UPF3A: variants seen among roughly 807,000 people sequenced by gnomAD.
UPF3A encodes UPF3A regulator of nonsense mediated mRNA decay, also known as regulator of nonsense transcripts 3A.
UPF3A carries 42 observed loss-of-function variants against 53.5 expected under a neutral mutation model. The ratio of observed to expected loss-of-function variants is 0.78; its 90% CI spans 0.61 to 1.01. The LOEUF (loss-of-function observed/expected upper bound fraction) is 1.01, where lower values mean the gene tolerates loss of function less well. Ranked by LOEUF, UPF3A falls within the 50% of genes least tolerant of loss-of-function variation. The probability of loss-of-function intolerance (pLI) is 0.00; values close to 1 mark genes in which losing one functional copy is unlikely to be tolerated. For missense variants in UPF3A, 575 were observed against 598.0 expected, an observed-to-expected ratio of 0.96 and a Z score of 0.40; for synonymous variants, 237 against 225.3, an observed-to-expected ratio of 1.05 and a Z score of -0.47.
intron 3 of UPF3A, chr13:114,283,643 A>G (rs1342206587): frequency 2.1e-6 from 1 of 487,724 alleles, no homozygotes; most frequent in African/African-American, 2.1e-5. Flanking sequence ...TGACTGTACC[A>G]TTTATGATAA....
In UPF3A at chr13:114,281,699, G is replaced by T. The variant is rs752248750; in HGVS notation, c.60G>T (p.Pro20=). The T allele has an allele frequency of 6.5e-6, 10 of 1,544,864 alleles. No individual in the cohort carries two copies. The South Asian group carries it at 1.2e-4, about 18-fold the overall frequency. Residue 20 remains proline (P), a synonymous_variant, in exon 1 of 10, where the codon CCG becomes CCT. Transcript: ENST00000375299. The part of the protein sequence containing the change: ...GLRAAVAARG[P]SGREKLSALE... ...GGGCGGCCGTTGCCGCGCGGGGCCC[G>T]AGCGGGAGGGAGAAGCTGTCGGCCC... is the stretch of plus-strand genomic sequence containing the variant.
At position 114,286,597 on chromosome 13, in the gene UPF3A, G is replaced by A. The variant is rs754474639; in HGVS notation, c.599G>A (p.Gly200Glu). 5.0e-6 allele frequency: 8 copies of A among 1,613,616 alleles called. No individual in the cohort carries two copies. Among genetic ancestry groups the A allele is most frequent in the Non-Finnish European group, 6.8e-6 (8 of 1,179,824 alleles). Residue 200 changes from glycine (G) to glutamate (E), a missense_variant, in exon 5 of 10, where the codon GGG (glycine) becomes GAG (glutamate). Transcript: ENST00000375299. ...AGTGCCAACCCTGAGACTCTGCTGG[G>A]GGAGATGGAGGCGAAGACAAGAGAG... is the stretch of plus-strand genomic sequence containing the variant. ...KTSANPETLL[G>E]EMEAKTRELI...
intron 2 of UPF3A, 53 bp downstream of exon 2, chr13:114,282,180 C>A: frequency 7.0e-7 from 1 of 1,435,986 alleles, no homozygotes; most frequent in Non-Finnish European, 9.4e-7. Context: ...AGCTCGGCGG[C>A]GGTGGCCGTC....
At chr13:114,283,885 G>A (rs770035596) in intron 3 of UPF3A, 28 of 985,334 alleles carry the variant, frequency 2.8e-5, no homozygotes, top group Non-Finnish European at 3.3e-5. Context: ...CCGACTCCAC[G>A]TGTTTTGACA....
At position 114,281,776 on chromosome 13, in the gene UPF3A, C is replaced by T. The variant is rs1393415961; in HGVS notation, c.137C>T (p.Pro46Leu). The T allele has an allele frequency of 6.4e-7, 1 of 1,556,652 alleles. No individual in the cohort carries two copies. Reference protein sequence around the residue: ...DSQQQEAETPPTSSSGCGGGA... With the variant: ...DSQQQEAETPLTSSSGCGGGA... The stretch of plus-strand genomic sequence containing the variant: ...CAGCAGCAGGAGGCTGAGACGCCGC[C>T]AACTTCGTCCTCCGGTTGCGGGGGC... The change falls in exon 1 of 10, where the codon CCA (proline) becomes CTA (leucine). Residue 46 changes from proline (P) to leucine (L), a missense_variant. Physicochemically the swap from Pro to Leu is moderately conservative, Grantham distance 98. This residue lies in a region of UPF3A where 252 missense variants were observed against 182.7 expected (regional missense o/e 1.38). Coordinates refer to ENST00000375299, the MANE Select transcript of UPF3A (RefSeq NM_023011.4).
At chr13:114,293,071 CAAAAAAAA>C (rs1164617444) in intron 7 of UPF3A, among the ~76,000 whole-genome samples, 3 of 49,610 alleles carry the variant, frequency 6.0e-5, no homozygotes, top group Non-Finnish European at 7.9e-5. Context: ...GACTCCCTCT[CAAAAAAAA>C]AAAAAAAAAA....
intron 7 of UPF3A, among the ~76,000 whole-genome samples, chr13:114,295,230 C>T (rs538898841): frequency 1.2e-3 from 185 of 152,202 alleles, no homozygotes; most frequent in Non-Finnish European, 2.1e-3. Context: ...CACACACAGG[C>T]GAGGGCTGGG....
At chr13:114,286,485 T>A (rs1458132690) in intron 4 of UPF3A, 34 bp from the exon 5 acceptor site, 10 of 1,610,282 alleles carry the variant, frequency 6.2e-6, no homozygotes, top group Non-Finnish European at 8.5e-6. Context: ...TGGGAAAGAT[T>A]ATATTTATTT....
intron 2 of UPF3A, chr13:114,282,402 G>T (rs1832748697): frequency 8.2e-7 from 1 of 1,219,850 alleles, no homozygotes; most frequent in South Asian, 2.1e-5. Flanking sequence ...AGCGTTGCCC[G>T]CCCGGCGCCT....
chr13:114,299,105 C>T, intron 8 of UPF3A, 105 bp downstream of exon 8: 1 of 1,223,134 alleles, frequency 8.2e-7, no homozygotes, highest in Non-Finnish European at 1.1e-6. Flanking sequence ...GAATCCAAGA[C>T]TTTCCAGGGT....
At chr13:114,287,672 C>T (rs1483507003) in intron 5 of UPF3A, 1 of 152,148 alleles carries the variant, frequency 6.6e-6, no homozygotes, top group Admixed American at 6.6e-5. Context: ...ACATAAACTC[C>T]CTTCTTGTTT....
chr13:114,286,217 T>A, intron 3 of UPF3A, 85 bp from the exon 4 acceptor site: 27 of 1,551,502 alleles, frequency 1.7e-5, no homozygotes, highest in Non-Finnish European at 2.4e-5. Flanking sequence ...TTACACTTAC[T>A]CTTTAAGTAA....
chr13:114,282,158 G>C, intron 2 of UPF3A, 31 bp downstream of exon 2: 1 of 1,520,764 alleles, frequency 6.6e-7, no homozygotes, highest in Non-Finnish European at 8.9e-7. Context: ...AGGAAGAGAG[G>C]GCGGAACCCA....
intron 7 of UPF3A, among the ~76,000 whole-genome samples, chr13:114,295,220 C>A (rs555086306): frequency 1.3e-5 from 2 of 152,238 alleles, no homozygotes; most frequent in African/African-American, 4.8e-5. Context: ...CATGGGTGAA[C>A]ACACACAGGC....
At chr13:114,299,036 C>G (rs1226791633) in intron 8 of UPF3A, 36 bp downstream of exon 8, 2 of 1,544,884 alleles carry the variant, frequency 1.3e-6, no homozygotes, top group Non-Finnish European at 8.7e-7. Context: ...CACGTCAGCT[C>G]CCAGTCATGG....
chr13:114,292,061 C>A (rs769640504), intron 7 of UPF3A, among the ~76,000 whole-genome samples: 130 of 151,534 alleles, frequency 8.6e-4, no homozygotes, highest in Admixed American at 1.6e-3. Context: ...GAGCCCCACG[C>A]TGGCACACGT....
At chr13:114,297,339 G>A (rs949058909) in intron 7 of UPF3A, among the ~76,000 whole-genome samples, 16 of 152,028 alleles carry the variant, frequency 1.1e-4, no homozygotes. Context: ...ATGTCGTGGC[G>A]ACTTGTTCAT....
intron 9 of UPF3A, among the ~76,000 whole-genome samples, chr13:114,303,963 G>A (rs2086819500): frequency 6.6e-6 from 1 of 152,246 alleles, no homozygotes; most frequent in Admixed American, 6.5e-5. Flanking sequence ...TCCAGGAGGA[G>A]GTAGAGGTGA....
chr13:114,293,150 G>A (rs578123640), intron 7 of UPF3A, among the ~76,000 whole-genome samples: 1 of 150,366 alleles, frequency 6.7e-6, no homozygotes, highest in Non-Finnish European at 1.5e-5. Context: ...TTGGGAGACC[G>A]AGGCAGGCGG....
Sources: allele counts gnomAD v4.1 joint callset (sites outside exome capture counted in the v4.1 genomes callset), GRCh38; gene constraint gnomAD v4.1.1; regional missense constraint gnomAD v4.1.1; transcripts MANE v1.5; gene names NCBI Gene and HGNC (gene_info 2026-07-23, HGNC 2026-07-21).